The following EPC1 variants were observed in gnomAD, a reference collection of about 807,000 sequenced individuals.
The protein encoded by EPC1 is enhancer of polycomb 1.
Under a neutral mutation model 98.4 loss-of-function variants are expected in EPC1, and 12 were observed. The ratio of observed to expected loss-of-function variants is 0.12; its 90% CI spans 0.08 to 0.20. The LOEUF (loss-of-function observed/expected upper bound fraction) is 0.20. EPC1 is among the 10% of genes least tolerant of loss of function. The probability of loss-of-function intolerance (pLI) is 1.00; values close to 1 mark genes in which losing one functional copy is unlikely to be tolerated. For missense variants in EPC1, 729 were observed against 990.5 expected (o/e 0.74, Z 3.54); for synonymous variants, 357 against 363.9 (o/e 0.98, Z 0.21).
intron 2 of EPC1, among the ~76,000 whole-genome samples, chr10:32,294,577 T>C (rs1236439730): frequency 6.6e-6 from 1 of 152,138 alleles, no homozygotes; most frequent in Non-Finnish European, 1.5e-5. Context: ...ACTCGGTGAG[T>C]ATGTTCCTGC....
At chr10:32,350,607 A>G (rs1839084323), upstream of EPC1, among the ~76,000 whole-genome samples, 1 of 152,238 alleles carries the variant, frequency 6.6e-6, no homozygotes, top group Non-Finnish European at 1.5e-5. Context: ...CAACAAGCCA[A>G]TTAGGAGATA....
At chr10:32,311,810 T>C (rs1262836733) in intron 1 of EPC1, among the ~76,000 whole-genome samples, 1 of 152,208 alleles carries the variant, frequency 6.6e-6, no homozygotes. Flanking sequence ...GTGACTCTAG[T>C]CTCTTTCTCA....
chr10:32,364,825 C>T (rs1306931109), intron 1 of EPC1, among the ~76,000 whole-genome samples: 1 of 152,046 alleles, frequency 6.6e-6, no homozygotes, highest in Non-Finnish European at 1.5e-5. Context: ...GCCTGTGGGA[C>T]ACACGCAGCC....
At chr10:32,300,201 C>T (rs1017797765) in intron 2 of EPC1, among the ~76,000 whole-genome samples, 2 of 152,068 alleles carry the variant, frequency 1.3e-5, no homozygotes, top group Non-Finnish European at 2.9e-5. Context: ...CATGAGCCAC[C>T]GTGCCGGGCC....
chr10:32,337,567 G>A (rs1838053153), intron 1 of EPC1, among the ~76,000 whole-genome samples: 1 of 152,200 alleles, frequency 6.6e-6, no homozygotes, highest in Non-Finnish European at 1.5e-5. Context: ...CCATCCCTGT[G>A]CTGCAATCTG....
intron 1 of EPC1, among the ~76,000 whole-genome samples, chr10:32,312,873 G>C (rs1274499196): frequency 3.3e-5 from 5 of 152,018 alleles, no homozygotes; most frequent in Non-Finnish European, 4.4e-5. Flanking sequence ...GTAAAGACAA[G>C]AAACAAAATA....
intron 5 of EPC1, chr10:32,291,939 G>A (rs1399679953): frequency 6.6e-6 from 1 of 152,186 alleles, no homozygotes; most frequent in Non-Finnish European, 1.5e-5. Context: ...GAAGTTGAAA[G>A]TAATGCCTAA....
chr10:32,375,298 T>C (rs1278240674), intron 1 of EPC1, among the ~76,000 whole-genome samples: 4 of 152,118 alleles, frequency 2.6e-5, no homozygotes, highest in Non-Finnish European at 5.9e-5. Flanking sequence ...TAGCCCTGGC[T>C]AATATTTTTA....
chr10:32,310,479 C>A (rs532306436), intron 1 of EPC1, among the ~76,000 whole-genome samples: 1 of 152,254 alleles, frequency 6.6e-6, no homozygotes, highest in South Asian at 2.1e-4. Context: ...CCATTTATAT[C>A]CTCTTGTATG....
upstream of EPC1, among the ~76,000 whole-genome samples, chr10:32,350,977 C>T (rs1485218924): frequency 6.6e-6 from 1 of 152,192 alleles, no homozygotes; most frequent in African/African-American, 2.4e-5. Flanking sequence ...TCCCATTCAT[C>T]CTTTATTTAT....
At chr10:32,333,151 G>A (rs1412039427) in intron 1 of EPC1, among the ~76,000 whole-genome samples, 2 of 152,156 alleles carry the variant, frequency 1.3e-5, no homozygotes, top group Non-Finnish European at 2.9e-5. Context: ...GACCATCCTG[G>A]CTAACATGGC....
At chr10:32,278,372 T>G (rs1186586032) in intron 10 of EPC1, among the ~76,000 whole-genome samples, 7 of 8,600 alleles carry the variant, frequency 8.1e-4, no homozygotes, top group Middle Eastern at 0.14. Context: ...TTTTTTTTTG[T>G]TTTTTTTTTT....
chr10:32,312,864 TAA>T (rs1290455192), intron 1 of EPC1, among the ~76,000 whole-genome samples: 1 of 152,132 alleles, frequency 6.6e-6, no homozygotes, highest in Admixed American at 6.5e-5. Context: ...TGCAAAATGG[TAA>T]AGACAAGAAA....
chr10:32,297,571 G>A (rs1356040019), intron 2 of EPC1, among the ~76,000 whole-genome samples: 2 of 152,080 alleles, frequency 1.3e-5, no homozygotes, highest in African/African-American at 4.8e-5. Context: ...ACAAGCATGA[G>A]TCATCGCAAC....
chr10:32,329,506 G>A (rs1207744067), intron 1 of EPC1, among the ~76,000 whole-genome samples: 1 of 152,152 alleles, frequency 6.6e-6, no homozygotes, highest in Non-Finnish European at 1.5e-5. Flanking sequence ...TCTATTTCAA[G>A]TTTTCTCTAT....
chr10:32,330,198 T>C (rs957215622), intron 1 of EPC1, among the ~76,000 whole-genome samples: 1 of 152,182 alleles, frequency 6.6e-6, no homozygotes, highest in African/African-American at 2.4e-5. Context: ...AGGCAGCAAT[T>C]ATAGTCTTGG....
At chr10:32,357,350 A>G (rs1472872474) in intron 1 of EPC1, among the ~76,000 whole-genome samples, 1 of 152,272 alleles carries the variant, frequency 6.6e-6, no homozygotes, top group Non-Finnish European at 1.5e-5. Flanking sequence ...GTTGCACTGC[A>G]GCAGCATGTA....
At chr10:32,328,343 T>A (rs1417342667) in intron 1 of EPC1, among the ~76,000 whole-genome samples, 2 of 152,224 alleles carry the variant, frequency 1.3e-5, no homozygotes, top group African/African-American at 4.8e-5. Context: ...GCAGCGTTTA[T>A]AAGACATACA....
chr10:32,365,819 C>CAAAAAAAAAAAAAA (rs55769539), intron 1 of EPC1, among the ~76,000 whole-genome samples: 1 of 38,428 alleles, frequency 2.6e-5, no homozygotes, highest in African/African-American at 1.4e-4. Flanking sequence ...CTCCGTCTCA[C>CAAAAAAAAAAAAAA]AAAAAAAAAA....
Sources: gnomAD v4.1 joint callset for allele counts (sites outside exome capture counted in the v4.1 genomes callset) on GRCh38, gnomAD v4.1.1 for gene constraint, MANE v1.5 for transcripts, NCBI Gene and HGNC (gene_info 2026-07-23, HGNC 2026-07-21) for gene names.